CDC42BPA: variants seen among roughly 807,000 people sequenced by gnomAD.
CDC42BPA encodes CDC42 binding protein kinase alpha.
In CDC42BPA, 80 loss-of-function variants were observed where a neutral mutation model predicts 223.5. That is an observed-to-expected ratio of 0.36 (90% CI 0.30 to 0.43). CDC42BPA has a LOEUF of 0.43. Among genes scored for constraint, CDC42BPA ranks in the 20% least tolerant of loss-of-function variants. The probability of loss-of-function intolerance (pLI) is 1.00; values close to 1 mark genes in which losing one functional copy is unlikely to be tolerated. For missense variants in CDC42BPA, 1,743 were observed against 2,099.9 expected (o/e 0.83, Z 3.32); for synonymous variants, 694 against 718.6 (o/e 0.97, Z 0.55).
rs112262939 is a variant in CDC42BPA, at chr1:227,095,458, T to C, written c.2250-3467A>G. On this transcript the variant is annotated intron_variant, in intron 15 of 36. Transcript: ENST00000366766. ...ACATCTACATATATACACATTATTA[T>C]TATAATATTACAAAGCTTATTTAAA... Among the ~76,000 whole-genome samples the C allele has an allele frequency of 9.2e-3, 1,396 of 152,228 alleles. 24 individuals are homozygous for C. The highest frequency in any genetic ancestry group is 0.032 in the African/African-American group (1,333 of 41,542).
chr1:227,193,736 T>C (rs1476326338), intron 5 of CDC42BPA, 50 bp downstream of exon 5: 2 of 1,398,514 alleles, frequency 1.4e-6, no homozygotes, highest in Non-Finnish European at 1.9e-6. Context: ...CCTCTGTTGC[T>C]AGATATTACA....
intron 21 of CDC42BPA, among the ~76,000 whole-genome samples, chr1:227,060,755 GCT>G (rs1675751908): frequency 9.0e-6 from 1 of 110,986 alleles, no homozygotes; most frequent in Admixed American, 1.3e-4. Context: ...ACAGAGTCTT[GCT>G]CTGTCACCCA....
chr1:227,097,046 T>C (rs1684134942), intron 15 of CDC42BPA, among the ~76,000 whole-genome samples: 1 of 152,152 alleles, frequency 6.6e-6, no homozygotes, highest in African/African-American at 2.4e-5. Flanking sequence ...CAGGATCGAG[T>C]AAGGCCAACC....
intron 1 of CDC42BPA, among the ~76,000 whole-genome samples, chr1:227,256,367 A>G (rs1683021655): frequency 1.3e-5 from 2 of 152,188 alleles, no homozygotes; most frequent in South Asian, 4.1e-4. Context: ...TAACTAATGC[A>G]CGCGGGGCTT....
intron 20 of CDC42BPA, among the ~76,000 whole-genome samples, chr1:227,070,956 T>C (rs1019681207): frequency 6.6e-6 from 1 of 151,870 alleles, no homozygotes; most frequent in African/African-American, 2.4e-5. Flanking sequence ...GGCCACGAGT[T>C]GTCCATGTCT....
intron 11 of CDC42BPA, among the ~76,000 whole-genome samples, chr1:227,127,141 A>G (rs918309004): frequency 5.3e-5 from 8 of 152,212 alleles, no homozygotes; most frequent in Admixed American, 1.3e-4. Context: ...CACATGAACA[A>G]TAAAATTAAA....
intron 1 of CDC42BPA, among the ~76,000 whole-genome samples, chr1:227,256,954 C>G (rs1572675543): frequency 1.0e-5 from 1 of 100,094 alleles, no homozygotes; most frequent in East Asian, 3.5e-4. Context: ...TACAGACACA[C>G]ACACACACAC....
intron 6 of CDC42BPA, among the ~76,000 whole-genome samples, chr1:227,159,128 C>CAGAG (rs1663370284): frequency 6.6e-6 from 1 of 152,172 alleles, no homozygotes; most frequent in Non-Finnish European, 1.5e-5. Flanking sequence ...AATTTAATCC[C>CAGAG]TCTATCATGG....
chr1:227,274,939 G>A (rs975771828), intron 1 of CDC42BPA, among the ~76,000 whole-genome samples: 1 of 152,114 alleles, frequency 6.6e-6, no homozygotes, highest in African/African-American at 2.4e-5. Flanking sequence ...ACTGACAAGA[G>A]TTACACAGAA....
chr1:227,204,992 C>T (rs899464759), intron 3 of CDC42BPA, among the ~76,000 whole-genome samples: 3 of 152,050 alleles, frequency 2.0e-5, no homozygotes, highest in African/African-American at 4.8e-5. Flanking sequence ...GGCACAGTGG[C>T]TCGCGCCTGT....
chr1:227,218,951 A>C (rs1329316438), intron 2 of CDC42BPA, among the ~76,000 whole-genome samples: 4 of 152,234 alleles, frequency 2.6e-5, no homozygotes, highest in Admixed American at 2.6e-4. Flanking sequence ...ATTCAGTAGC[A>C]ATAGTCAAAA....
intron 1 of CDC42BPA, among the ~76,000 whole-genome samples, chr1:227,277,870 C>T (rs1475370136): frequency 6.6e-6 from 1 of 152,114 alleles, no homozygotes; most frequent in African/African-American, 2.4e-5. Flanking sequence ...CTGCCTCAGC[C>T]TCCCGAGTAG....
intron 6 of CDC42BPA, among the ~76,000 whole-genome samples, chr1:227,150,538 T>G (rs527437616): frequency 1.3e-5 from 2 of 152,238 alleles, no homozygotes; most frequent in Admixed American, 1.3e-4. Context: ...CTGAGTAAAC[T>G]ATCGCTAACA....
At chr1:227,195,992 C>A (rs1449921434) in intron 4 of CDC42BPA, among the ~76,000 whole-genome samples, 2 of 152,046 alleles carry the variant, frequency 1.3e-5, no homozygotes, top group Non-Finnish European at 2.9e-5. Context: ...TTAATACATG[C>A]TGAACCTCAA....
chr1:227,167,695 G>A (rs868088711), intron 5 of CDC42BPA, among the ~76,000 whole-genome samples: 1 of 152,164 alleles, frequency 6.6e-6, no homozygotes, highest in African/African-American at 2.4e-5. Context: ...TCAAATCTCT[G>A]ATGAGTTCAA....
chr1:226,994,210 AG>A lies in CDC42BPA; in HGVS notation c.*57del. ...AGGCGAGGTGGAGGGAAGAGATGAA[AG>A]TGAGAGGAGGCGAGTGGCAGGGAGC... On this transcript the variant is annotated 3_prime_UTR_variant, in exon 37 of 37. Coordinates refer to ENST00000366766, the MANE Select transcript of CDC42BPA (RefSeq NM_001394014.1). This position sits in a 1 kb window ranked among gnomAD's most constrained non-coding sequence, Gnocchi z 4.0. 1 of 1,520,056 alleles carries A rather than the reference AG, an allele frequency of 6.6e-7. No individual in the cohort carries two copies. Among genetic ancestry groups the A allele is most frequent in the Non-Finnish European group, 8.9e-7 (1 of 1,123,650 alleles). 94.2% of individuals were successfully genotyped at this position (1,520,056 alleles called of 1,614,324 possible).
intron 2 of CDC42BPA, among the ~76,000 whole-genome samples, chr1:227,231,350 T>C (rs1331359502): frequency 6.6e-6 from 1 of 152,108 alleles, no homozygotes; most frequent in Non-Finnish European, 1.5e-5. Context: ...CCATGGTGTA[T>C]ACGTGCCACA....
In CDC42BPA at chr1:227,200,450, A is replaced by AAAC. The variant is rs1460532328; in HGVS notation, c.355-799_355-798insGTT. Among the ~76,000 whole-genome samples, 3 of 151,144 alleles carry AAAC rather than the reference A, an allele frequency of 2.0e-5. 1 individual carries two copies. The highest frequency in any genetic ancestry group is 2.4e-5 in the African/African-American group (1 of 41,236). On this transcript the variant is annotated intron_variant, in intron 3 of 36. Transcript: ENST00000366766. ...TGCCTTAAAAAACAAACAAACAAAA[A>AAAC]AAAAACGAAAGAAAGAAAGAAAACA...
intron 6 of CDC42BPA, among the ~76,000 whole-genome samples, chr1:227,158,811 T>C (rs900115397): frequency 2.0e-5 from 3 of 152,186 alleles, no homozygotes; most frequent in Non-Finnish European, 2.9e-5. Flanking sequence ...GGTCTTGTGG[T>C]ACAATGCACA....
Sources: gnomAD v4.1 joint callset for allele counts (sites outside exome capture counted in the v4.1 genomes callset) on GRCh38, gnomAD v4.1.1 for gene constraint, Gnocchi (gnomAD v3.1) non-coding constraint, MANE v1.5 for transcripts, NCBI Gene and HGNC (gene_info 2026-07-23, HGNC 2026-07-21) for gene names.